GPC5: variants seen among roughly 807,000 people sequenced by gnomAD.
The protein encoded by GPC5 is glypican 5.
A neutral mutation model predicts 53.9 loss-of-function variants in GPC5; 47 were observed. The observed-to-expected ratio is 0.87, with a 90% CI of 0.69 to 1.11. The LOEUF is 1.11. Ranked by LOEUF, GPC5 falls within the 50% of genes most tolerant of loss-of-function variation. The probability of loss-of-function intolerance (pLI) is 0.00; values close to 1 mark genes in which losing one functional copy is unlikely to be tolerated. For synonymous variants in GPC5, 286 were observed against 263.3 expected (o/e 1.09, Z -0.84); for missense variants, 748 against 713.1 (o/e 1.05, Z -0.56).
intron 2 of GPC5, among the ~76,000 whole-genome samples, chr13:91,663,511 G>A (rs899613379): frequency 5.9e-5 from 9 of 152,162 alleles, no homozygotes; most frequent in African/African-American, 2.2e-4. Flanking sequence ...AGGCTGGAGT[G>A]CAGTGGCATG....
chr13:91,746,201 A>G (rs945592276), intron 4 of GPC5, among the ~76,000 whole-genome samples: 2 of 152,182 alleles, frequency 1.3e-5, no homozygotes, highest in African/African-American at 4.8e-5. Context: ...CATTAGTGCC[A>G]CATTAACCTT....
intron 7 of GPC5, among the ~76,000 whole-genome samples, chr13:92,545,206 G>T (rs955270973): frequency 3.3e-5 from 5 of 152,086 alleles, no homozygotes; most frequent in Middle Eastern, 3.2e-3. Flanking sequence ...TGCTGAGAAT[G>T]ATGGTTTCCA....
chr13:92,671,885 G>T (rs1426878470), intron 7 of GPC5, among the ~76,000 whole-genome samples: 1 of 152,160 alleles, frequency 6.6e-6, no homozygotes, highest in South Asian at 2.1e-4. Context: ...ATTAGAAATG[G>T]AAGACATTGG....
At chr13:92,814,867 A>G (rs777292627) in intron 7 of GPC5, among the ~76,000 whole-genome samples, 6 of 151,856 alleles carry the variant, frequency 4.0e-5, no homozygotes, top group Non-Finnish European at 7.4e-5. Flanking sequence ...AATTTCTCTA[A>G]CTGTGCACTT....
chr13:92,173,506 A>G (rs1468012016), intron 7 of GPC5, among the ~76,000 whole-genome samples: 1 of 152,188 alleles, frequency 6.6e-6, no homozygotes, highest in Non-Finnish European at 1.5e-5. Context: ...TGCCTGGACA[A>G]ACCCTTTCCT....
At chr13:92,055,632 A>G (rs532287526) in intron 6 of GPC5, among the ~76,000 whole-genome samples, 1 of 152,346 alleles carries the variant, frequency 6.6e-6, no homozygotes, top group East Asian at 1.9e-4. Flanking sequence ...ATCATACCAA[A>G]CAATTTTGAG....
intron 7 of GPC5, among the ~76,000 whole-genome samples, chr13:92,751,557 A>C (rs1889399509): frequency 7.3e-6 from 1 of 136,372 alleles, no homozygotes; most frequent in Non-Finnish European, 1.6e-5. Flanking sequence ...TGGTCCTTCT[A>C]AATTGTGCAG....
Position 92,754,044 on chromosome 13 carries a change from G to T in GPC5, c.1562-112238G>T, listed in dbSNP as rs565033703. The stretch of plus-strand genomic sequence containing the variant: ...CATAATTGTCAGATTCACCAAAGTT[G>T]AAATGAAGGAAAAAATGTTAAAGGC... On this transcript the variant is annotated intron_variant, in intron 7 of 7. Coordinates refer to ENST00000377067, the MANE Select transcript of GPC5 (RefSeq NM_004466.6). Among the ~76,000 whole-genome samples the T allele has an allele frequency of 3.2e-4, 48 of 152,238 alleles. 1 individual carries two copies. Among genetic ancestry groups the T allele is most frequent in the African/African-American group, 1.0e-3 (43 of 41,552 alleles).
At chr13:91,518,417 G>A (rs1406961189) in intron 2 of GPC5, among the ~76,000 whole-genome samples, 4 of 151,930 alleles carry the variant, frequency 2.6e-5, no homozygotes, top group Non-Finnish European at 5.9e-5. Context: ...AAAATTACAT[G>A]ACAATTCGTA....
intron 7 of GPC5, among the ~76,000 whole-genome samples, chr13:92,301,614 C>T (rs2043075813): frequency 1.3e-5 from 2 of 152,052 alleles, no homozygotes; most frequent in Non-Finnish European, 2.9e-5. Flanking sequence ...GGTCAGGTGA[C>T]AGTGGCTTAT....
At chr13:92,124,191 A>T (rs1357207002) in intron 6 of GPC5, among the ~76,000 whole-genome samples, 2 of 148,436 alleles carry the variant, frequency 1.3e-5, no homozygotes, top group African/African-American at 2.5e-5. Flanking sequence ...AATCTTAGCA[A>T]TCCCTGCAAT....
intron 7 of GPC5, among the ~76,000 whole-genome samples, chr13:92,754,353 C>T (rs1055303371): frequency 4.6e-5 from 7 of 152,264 alleles, no homozygotes; most frequent in Admixed American, 2.6e-4. Flanking sequence ...AATGCACAAA[C>T]GGTACCAACT....
At chr13:92,196,044 C>A (rs1247354487) in intron 7 of GPC5, among the ~76,000 whole-genome samples, 6 of 151,964 alleles carry the variant, frequency 3.9e-5, no homozygotes, top group African/African-American at 1.5e-4. Context: ...GCGCTCAGGG[C>A]AAAGTGGAAG....
intron 7 of GPC5, among the ~76,000 whole-genome samples, chr13:92,794,797 G>A (rs918958421): frequency 6.6e-6 from 1 of 151,982 alleles, no homozygotes; most frequent in East Asian, 1.9e-4. Context: ...GCTACAAAGA[G>A]AATAAAATAT....
intron 7 of GPC5, among the ~76,000 whole-genome samples, chr13:92,634,508 A>ATTCT (rs779119478): frequency 4.0e-5 from 6 of 151,822 alleles, no homozygotes; most frequent in Non-Finnish European, 7.4e-5. Flanking sequence ...TGAGTATTCG[A>ATTCT]TTCTTTCTCC....
At chr13:92,389,565 C>A (rs1462053606) in intron 7 of GPC5, among the ~76,000 whole-genome samples, 1 of 152,092 alleles carries the variant, frequency 6.6e-6, no homozygotes, top group East Asian at 1.9e-4. Context: ...ACCAGTAGTC[C>A]TAGCTCACAG....
At chr13:91,872,346 A>T (rs2039154944) in intron 5 of GPC5, among the ~76,000 whole-genome samples, 1 of 152,230 alleles carries the variant, frequency 6.6e-6, no homozygotes. Flanking sequence ...GTTCAAAAAA[A>T]TAAAATATAA....
chr13:92,318,733 C>T (rs555172430), intron 7 of GPC5, among the ~76,000 whole-genome samples: 2 of 152,066 alleles, frequency 1.3e-5, no homozygotes, highest in East Asian at 1.9e-4. Context: ...TTGGTCTTTG[C>T]TTCTCATGTT....
chr13:91,438,399 G>T (rs1464790793), intron 1 of GPC5, among the ~76,000 whole-genome samples: 1 of 152,228 alleles, frequency 6.6e-6, no homozygotes, highest in African/African-American at 2.4e-5. Context: ...CTCAGCTGCA[G>T]GTCTGTTGGA....
Sources: allele counts gnomAD v4.1 joint callset (sites outside exome capture counted in the v4.1 genomes callset), GRCh38; gene constraint gnomAD v4.1.1; transcripts MANE v1.5; gene names NCBI Gene and HGNC (gene_info 2026-07-23, HGNC 2026-07-21).